The following LRP1B variants were observed in gnomAD, a reference collection of about 807,000 sequenced individuals.
The protein encoded by LRP1B is LDL receptor related protein 1B.
A neutral mutation model predicts 556.6 loss-of-function variants in LRP1B; 217 were observed. The observed-to-expected ratio is 0.39, with a 90% CI of 0.35 to 0.44. The LOEUF is 0.44. LRP1B is among the 20% of genes least tolerant of loss of function. The probability of loss-of-function intolerance (pLI) is 1.00; values close to 1 mark genes in which losing one functional copy is unlikely to be tolerated. For missense variants in LRP1B, 5,053 were observed against 5,620.8 expected (o/e 0.90, Z 3.23); for synonymous variants, 2,047 against 1,865.8 (o/e 1.10, Z -2.50).
intron 2 of LRP1B, among the ~76,000 whole-genome samples, chr2:141,494,905 T>C (rs1683461950): frequency 6.6e-6 from 1 of 151,726 alleles, no homozygotes; most frequent in South Asian, 2.1e-4. Context: ...CTAAATAGCT[T>C]CTGAATGGCC....
At chr2:140,598,875 C>A (rs776341054) in intron 42 of LRP1B, 40 bp from the exon 43 acceptor site, 3 of 1,349,406 alleles carry the variant, frequency 2.2e-6, no homozygotes, top group Middle Eastern at 1.8e-4. Context: ...TTAAACTTCT[C>A]ATCAAGAGTA....
chr2:141,511,181 G>C lies in LRP1B; in HGVS notation c.206-30648C>G, dbSNP rs550858164. Among the ~76,000 whole-genome samples the C allele has an allele frequency of 8.5e-5, 13 of 152,226 alleles. No homozygotes were observed. In the South Asian group the frequency reaches 2.7e-3, roughly 32 times the overall value. ...GAAAATATGTGGTGCAGTTATAAAAGTATATGAAATCTTTTCTTATTGACT... is the reference window on the plus strand; with the variant it reads ...GAAAATATGTGGTGCAGTTATAAAACTATATGAAATCTTTTCTTATTGACT... On this transcript the variant is annotated intron_variant, in intron 2 of 90. Transcript: ENST00000389484.
chr2:141,013,488 C>A (rs1697813949), intron 14 of LRP1B, 68 bp downstream of exon 14: 3 of 1,258,792 alleles, frequency 2.4e-6, no homozygotes, highest in Admixed American at 2.6e-5. Flanking sequence ...CAAGATAAAT[C>A]TTTTATAACT....
chr2:141,580,050 T>C (rs1175663810), intron 2 of LRP1B, among the ~76,000 whole-genome samples: 1 of 152,180 alleles, frequency 6.6e-6, no homozygotes, highest in Non-Finnish European at 1.5e-5. Context: ...ATAAGAAACA[T>C]TTGACCTTGT....
intron 7 of LRP1B, among the ~76,000 whole-genome samples, chr2:141,074,875 T>C (rs1699747330): frequency 3.3e-5 from 5 of 152,134 alleles, no homozygotes; most frequent in Admixed American, 3.3e-4. Flanking sequence ...GTTTTCATTG[T>C]CCTTTTTGCA....
chr2:141,988,921 C>T (rs1210051153), intron 1 of LRP1B, among the ~76,000 whole-genome samples: 2 of 152,002 alleles, frequency 1.3e-5, no homozygotes, highest in African/African-American at 4.8e-5. Context: ...TAAGTGCCTA[C>T]TGCATGCATA....
chr2:140,240,182 G>T (rs143612339), intron 87 of LRP1B, among the ~76,000 whole-genome samples: 1 of 149,936 alleles, frequency 6.7e-6, no homozygotes, highest in Admixed American at 6.7e-5. Context: ...ACAGAATTAG[G>T]GGGTGAAGAG....
chr2:140,536,258 T>C (rs1311362153), intron 46 of LRP1B, among the ~76,000 whole-genome samples: 2 of 136,504 alleles, frequency 1.5e-5, no homozygotes, highest in Admixed American at 8.6e-5. Flanking sequence ...GAGGATTGCT[T>C]GAGCTCAGGA....
chr2:140,715,840 CA>C (rs10716305), intron 37 of LRP1B, 132 bp downstream of exon 37: 324,271 of 636,668 alleles, frequency 0.51, 85,390 homozygotes, highest in Non-Finnish European at 0.57. Flanking sequence ...TGAATATAAA[CA>C]TTTTTTTCTG....
At chr2:140,301,916 T>C (rs558557259) in intron 83 of LRP1B, among the ~76,000 whole-genome samples, 4 of 151,874 alleles carry the variant, frequency 2.6e-5, no homozygotes, top group African/African-American at 9.7e-5. Context: ...CATATACATA[T>C]ATATACATAT....
chr2:140,438,229 T>C (rs1421122576), intron 66 of LRP1B, among the ~76,000 whole-genome samples: 1 of 152,168 alleles, frequency 6.6e-6, no homozygotes, highest in Non-Finnish European at 1.5e-5. Flanking sequence ...GGTCTTAAAC[T>C]CCTTGACTCA....
intron 1 of LRP1B, among the ~76,000 whole-genome samples, chr2:141,919,920 G>T (rs1700137988): frequency 6.6e-6 from 1 of 151,932 alleles, no homozygotes; most frequent in Non-Finnish European, 1.5e-5. Context: ...AAATGTCAAA[G>T]AAAAATGCAG....
At chr2:140,628,236 A>C (rs1026400758) in intron 41 of LRP1B, among the ~76,000 whole-genome samples, 4 of 152,148 alleles carry the variant, frequency 2.6e-5, no homozygotes, top group Non-Finnish European at 1.5e-5. Context: ...CAAGTTTAAA[A>C]TTATGTCTAT....
At chr2:141,662,215 C>A (rs894405566) in intron 2 of LRP1B, among the ~76,000 whole-genome samples, 7 of 152,108 alleles carry the variant, frequency 4.6e-5, no homozygotes, top group African/African-American at 1.7e-4. Context: ...TGTTACCAGC[C>A]ACTATAAAAA....
At chr2:140,517,704 CT>C (rs898514450) in intron 49 of LRP1B, among the ~76,000 whole-genome samples, 14 of 81,754 alleles carry the variant, frequency 1.7e-4, no homozygotes, top group African/African-American at 5.6e-4. Flanking sequence ...CTATATTTAT[CT>C]TTCCTTTTTT....
At chr2:140,592,480 T>C (rs1208750260) in intron 43 of LRP1B, among the ~76,000 whole-genome samples, 1 of 152,106 alleles carries the variant, frequency 6.6e-6, no homozygotes, top group Non-Finnish European at 1.5e-5. Context: ...TCATCTTCTT[T>C]CTTGTCTTTG....
intron 1 of LRP1B, among the ~76,000 whole-genome samples, chr2:141,939,894 G>T (rs1261656635): frequency 1.3e-5 from 2 of 152,112 alleles, no homozygotes; most frequent in African/African-American, 2.4e-5. Flanking sequence ...TTCTGTAAGT[G>T]GTGCTGAGAC....
At chr2:141,364,536 C>A (rs1688949563) in intron 3 of LRP1B, among the ~76,000 whole-genome samples, 1 of 152,114 alleles carries the variant, frequency 6.6e-6, no homozygotes, top group African/African-American at 2.4e-5. Context: ...CAAGAAGTGA[C>A]AAGTCAGCTT....
chr2:141,857,035 A>T (rs1415364006), intron 1 of LRP1B, among the ~76,000 whole-genome samples: 1 of 152,040 alleles, frequency 6.6e-6, no homozygotes, highest in Admixed American at 6.6e-5. Context: ...AGATTAGATA[A>T]TTTGTGGGAC....
Sources: gnomAD v4.1 joint callset for allele counts (sites outside exome capture counted in the v4.1 genomes callset) on GRCh38, gnomAD v4.1.1 for gene constraint, MANE v1.5 for transcripts, NCBI Gene and HGNC (gene_info 2026-07-23, HGNC 2026-07-21) for gene names.